PYGB: variants seen among roughly 807,000 people sequenced by gnomAD.
PYGB encodes the protein glycogen phosphorylase, brain form.
Under a neutral mutation model 94.3 loss-of-function variants are expected in PYGB, and 82 were observed. The ratio of observed to expected loss-of-function variants is 0.87; its 90% CI spans 0.73 to 1.04. PYGB has a LOEUF of 1.04. PYGB is among the 50% of genes least tolerant of loss of function. The pLI is 0.00. For synonymous variants in PYGB, 488 were observed against 479.1 expected (o/e 1.02, Z -0.24); for missense variants, 1,132 against 1,158.2 (o/e 0.98, Z 0.33).
intron 2 of PYGB, among the ~76,000 whole-genome samples, chr20:25,260,069 G>T (rs908065437): frequency 6.6e-6 from 1 of 152,136 alleles, no homozygotes; most frequent in African/African-American, 2.4e-5. Context: ...GTCTTGCATG[G>T]CTGGGAGGCG....
chr20:25,280,031 G>A lies in PYGB; in HGVS notation c.1093-235G>A, dbSNP rs138645268. 2.0e-3 allele frequency among the ~76,000 whole-genome samples: 310 copies of A among 152,360 alleles called. 2 individuals are homozygous for A. Among genetic ancestry groups the A allele is most frequent in the Middle Eastern group, 0.014 (4 of 294 alleles). ...TGTGTCTTATTTGTGTGTGTGTCAC[G>A]CACTGGACCATAATGTCACACTTCA... is the stretch of plus-strand genomic sequence containing the variant. On this transcript the variant is annotated intron_variant, in intron 9 of 19. Transcript: ENST00000216962.
At chr20:25,267,896 G>A (rs528250798) in intron 2 of PYGB, among the ~76,000 whole-genome samples, 51 of 152,292 alleles carry the variant, frequency 3.3e-4, no homozygotes, top group Middle Eastern at 3.4e-3. Context: ...TAGGAAGAGT[G>A]TGCTGTAGGC....
At chr20:25,281,993 C>T (rs368861966) in intron 11 of PYGB, 40 bp from the exon 12 acceptor site, 7 of 1,520,444 alleles carry the variant, frequency 4.6e-6, no homozygotes, top group Admixed American at 1.7e-5. Flanking sequence ...TGGTGCAGGG[C>T]ACAGCATTTG....
rs1251437914 is a variant in PYGB at position 25,262,873 on chromosome 20, C to T, written c.345+3535C>T. 5.3e-5 allele frequency among the ~76,000 whole-genome samples: 8 copies of T among 152,214 alleles called. No homozygotes were observed. The East Asian group carries it at 1.5e-3, about 29-fold the overall frequency. On this transcript the variant is annotated intron_variant, in intron 2 of 19. Transcript: ENST00000216962. ...AAAGATCAAAAGAGACAAAGAAGGC[C>T]ATTACTTAATGGTAAAGGGATCAAT... is the stretch of plus-strand genomic sequence containing the variant.
intron 5 of PYGB, among the ~76,000 whole-genome samples, chr20:25,275,004 C>CGT (rs11474310): frequency 0.12 from 17,653 of 152,220 alleles, 1,927 homozygotes; most frequent in African/African-American, 0.29. Context: ...TGCAGCTGGG[C>CGT]GTCCACTCAC....
chr20:25,265,592 ATTTT>A (rs34336965), intron 2 of PYGB, among the ~76,000 whole-genome samples: 2 of 119,670 alleles, frequency 1.7e-5, no homozygotes, highest in Non-Finnish European at 3.4e-5. Flanking sequence ...TTGTTGTTGA[ATTTT>A]TTTTTTTTTT....
At chr20:25,293,855 C>T in intron 17 of PYGB, 1 of 419,570 alleles carries the variant, frequency 2.4e-6, no homozygotes, top group Non-Finnish European at 4.4e-6. Context: ...GAGTGGCCCT[C>T]TCCACTAGGA....
chr20:25,278,921 C>T, intron 8 of PYGB, 136 bp from the exon 9 acceptor site: 2 of 797,818 alleles, frequency 2.5e-6, no homozygotes, highest in South Asian at 1.7e-5. Context: ...CCACAGAACC[C>T]CTCCCTGTTC....
In PYGB at chr20:25,270,508, G is replaced by A. The variant is rs552186928; in HGVS notation, c.425-875G>A. Among the ~76,000 whole-genome samples, 3 of 151,946 alleles carry A rather than the reference G, an allele frequency of 2.0e-5. No individual in the cohort carries two copies. The East Asian group carries it at 5.8e-4, about 29-fold the overall frequency. ...TGAGCCACCACGCCCAGCCAATCCTGAAGTTTTAATAAGGTTGCATCTCAC... is the reference window on the plus strand; with the variant it reads ...TGAGCCACCACGCCCAGCCAATCCTAAAGTTTTAATAAGGTTGCATCTCAC... On this transcript the variant is annotated intron_variant, in intron 3 of 19. Coordinates refer to ENST00000216962, the MANE Select transcript of PYGB (RefSeq NM_002862.4).
intron 1 of PYGB, among the ~76,000 whole-genome samples, chr20:25,249,605 TTGAC>T (rs1223685533): frequency 1.3e-5 from 2 of 152,242 alleles, no homozygotes; most frequent in Admixed American, 1.3e-4. Context: ...TGCTAAGAGA[TTGAC>T]TGCTTTTCCA....
chr20:25,281,371 G>A (rs2088365848), intron 11 of PYGB, among the ~76,000 whole-genome samples: 2 of 152,242 alleles, frequency 1.3e-5, no homozygotes, highest in East Asian at 3.8e-4. Flanking sequence ...GTCTCCTGTT[G>A]CTCTCCTGCG....
rs202163870 is a variant in PYGB at position 25,297,212 on chromosome 20, G to A, written c.*690G>A. ...GAGGGGGACACTGGAGTGGGTGCTT[G>A]TGTCTGCTGTCTCAGAGGCCTTGGT... On this transcript the variant is annotated 3_prime_UTR_variant, in exon 20 of 20. Coordinates refer to ENST00000216962, the MANE Select transcript of PYGB (RefSeq NM_002862.4). The A allele has an allele frequency of 2.0e-5, 3 of 152,382 alleles. No individual in the cohort carries two copies. The highest frequency in any genetic ancestry group is 1.3e-4 in the Admixed American group (2 of 15,296). The allele number at this position is 152,382 out of a possible 1,614,324, so 9.4% of individuals were successfully genotyped here. A position where few individuals can be genotyped will look rare whatever the true frequency, so the allele number is the denominator to read the frequency against.
rs553116145 is a variant in PYGB, at chr20:25,293,654, C to T, written c.2178-504C>T. On this transcript the variant is annotated intron_variant, in intron 17 of 19. Transcript: ENST00000216962. ...CACACAGCTTCTTCTGCCCGGGCCCCGTCCTGGGATGCCCATGTCTGCCCG... is the reference window on the plus strand; with the variant it reads ...CACACAGCTTCTTCTGCCCGGGCCCTGTCCTGGGATGCCCATGTCTGCCCG... Among the ~76,000 whole-genome samples, 9 of 152,302 alleles carry T rather than the reference C, an allele frequency of 5.9e-5. No individual in the cohort carries two copies. The East Asian group carries it at 1.5e-3, about 26-fold the overall frequency.
In PYGB at chr20:25,278,415, G is replaced by A. The variant is rs200456135; in HGVS notation, c.952G>A (p.Gly318Ser). The change falls in exon 8 of 20, where the codon GGC (glycine) becomes AGC (serine). Residue 318 changes from glycine (G) to serine (S), a missense_variant. Gly to Ser is a moderately conservative substitution (Grantham distance 56). Transcript: ENST00000216962. ...CCGCCGCTTCAAGTCGTCCAAGTTC[G>A]GCTGCCGGGACCCTGTGAGAACCTG... ...IIRRFKSSKFGCRDPVRTCFE... is the reference protein window; with the variant it reads ...IIRRFKSSKFSCRDPVRTCFE... 10 of 1,614,100 alleles carry A rather than the reference G, an allele frequency of 6.2e-6. No individual in the cohort carries two copies. The highest frequency in any genetic ancestry group is 4.0e-5 in the African/African-American group (3 of 74,940).
chr20:25,252,446 C>G (rs2092890701), intron 1 of PYGB, among the ~76,000 whole-genome samples: 1 of 152,184 alleles, frequency 6.6e-6, no homozygotes, highest in Non-Finnish European at 1.5e-5. Context: ...CTAGATGTAG[C>G]CTCGGATCCC....
At chr20:25,274,550 A>G (rs2088293331) in intron 4 of PYGB, 42 bp from the exon 5 acceptor site, 1 of 1,600,776 alleles carries the variant, frequency 6.2e-7, no homozygotes, top group South Asian at 1.1e-5. Context: ...GTGGCCTGGG[A>G]CATCTGCGCT....
At chr20:25,280,541 G>C (rs1285344969) in intron 10 of PYGB, 129 bp downstream of exon 10, 1 of 1,277,160 alleles carries the variant, frequency 7.8e-7, no homozygotes, top group Non-Finnish European at 1.1e-6. Context: ...AGGATGCTTG[G>C]GGCTGGGGGC....
chr20:25,280,825 G>T, intron 10 of PYGB, 124 bp from the exon 11 acceptor site: 1 of 1,306,824 alleles, frequency 7.7e-7, no homozygotes, highest in Non-Finnish European at 1.1e-6. Context: ...CACAGCCCCA[G>T]AACTTCCCTG....
Position 25,281,281 on chromosome 20 carries a change from C to T in PYGB, c.1403+169C>T, listed in dbSNP as rs532466540. On this transcript the variant is annotated intron_variant, in intron 11 of 19. Transcript: ENST00000216962. ...TGCCCAGAACACCCTGTCAGGGTCACGCCTTGTTGTGCGTTCACCGACCAG... is the reference window on the plus strand; with the variant it reads ...TGCCCAGAACACCCTGTCAGGGTCATGCCTTGTTGTGCGTTCACCGACCAG... 3.9e-5 allele frequency among the ~76,000 whole-genome samples: 6 copies of T among 152,342 alleles called. No individual in the cohort carries two copies. In the East Asian group the frequency reaches 5.8e-4, roughly 15 times the overall value.
Sources: gnomAD v4.1 joint callset for allele counts (sites outside exome capture counted in the v4.1 genomes callset) on GRCh38, gnomAD v4.1.1 for gene constraint, MANE v1.5 for transcripts, NCBI Gene and HGNC (gene_info 2026-07-23, HGNC 2026-07-21) for gene names.